The following TNR variants were observed in gnomAD, a reference collection of about 807,000 sequenced individuals.
The protein encoded by TNR is tenascin-R.
TNR carries 45 observed loss-of-function variants against 150.4 expected under a neutral mutation model. That is an observed-to-expected ratio of 0.30 (90% confidence interval 0.24 to 0.38). The LOEUF (loss-of-function observed/expected upper bound fraction) is 0.38. TNR is among the 10% of genes least tolerant of loss of function. TNR has a pLI of 1.00. For synonymous variants in TNR, 687 were observed against 678.4 expected (o/e 1.01, Z -0.20); for missense variants, 1,544 against 1,759.1 (o/e 0.88, Z 2.19).
chr1:175,545,278 G>A (rs1422750250), intron 1 of TNR, among the ~76,000 whole-genome samples: 1 of 152,184 alleles, frequency 6.6e-6, no homozygotes, highest in Non-Finnish European at 1.5e-5. Context: ...GATCTTAGTG[G>A]GAACAGTTTT....
At chr1:175,486,201 T>C (rs997720410) in intron 2 of TNR, among the ~76,000 whole-genome samples, 1 of 152,000 alleles carries the variant, frequency 6.6e-6, no homozygotes, top group Non-Finnish European at 1.5e-5. Context: ...GGTATACACG[T>C]GGCATGGTGG....
At chr1:175,571,565 T>A (rs1273910704) in intron 1 of TNR, among the ~76,000 whole-genome samples, 1 of 152,176 alleles carries the variant, frequency 6.6e-6, no homozygotes, top group East Asian at 1.9e-4. Context: ...TTTTGCCTAC[T>A]CCATTAACTC....
intron 9 of TNR, among the ~76,000 whole-genome samples, chr1:175,368,478 C>T (rs1186794399): frequency 6.6e-6 from 1 of 152,220 alleles, no homozygotes; most frequent in East Asian, 1.9e-4. Flanking sequence ...TTGGTCCCAC[C>T]TGGATAGTAC....
intron 22 of TNR, 85 bp downstream of exon 22, chr1:175,324,271 C>T: frequency 7.1e-7 from 1 of 1,398,906 alleles, no homozygotes; most frequent in Non-Finnish European, 9.6e-7. Flanking sequence ...ATGAAGGACT[C>T]ACATGTGCTT....
chr1:175,693,390 G>A (rs1231731380), intron 1 of TNR, among the ~76,000 whole-genome samples: 10 of 152,222 alleles, frequency 6.6e-5, no homozygotes, highest in Admixed American at 6.5e-4. Context: ...AACACAAACT[G>A]TCTCCCGACA....
intron 1 of TNR, among the ~76,000 whole-genome samples, chr1:175,739,992 C>T (rs1667880220): frequency 6.6e-6 from 1 of 152,248 alleles, no homozygotes; most frequent in Non-Finnish European, 1.5e-5. Flanking sequence ...CCTGCAGGAG[C>T]TTCCACAGTT....
chr1:175,461,013 A>C (rs1330101714), intron 2 of TNR, among the ~76,000 whole-genome samples: 8 of 152,234 alleles, frequency 5.3e-5, no homozygotes, highest in Non-Finnish European at 7.3e-5. Flanking sequence ...GCATGCTTGC[A>C]TGGCTGAAGC....
At chr1:175,355,438 C>T in intron 17 of TNR, 65 bp downstream of exon 17, 2 of 1,585,914 alleles carry the variant, frequency 1.3e-6, no homozygotes, top group Non-Finnish European at 1.7e-6. Context: ...GGTCACTCCA[C>T]TAGTCAGTTT....
chr1:175,413,863 T>C (rs1654319627), intron 2 of TNR, among the ~76,000 whole-genome samples: 1 of 152,116 alleles, frequency 6.6e-6, no homozygotes, highest in Admixed American at 6.5e-5. Context: ...TTGGGCACAG[T>C]GGTTCATGCC....
intron 1 of TNR, among the ~76,000 whole-genome samples, chr1:175,624,349 G>A (rs1420899404): frequency 6.6e-6 from 1 of 152,144 alleles, no homozygotes; most frequent in African/African-American, 2.4e-5. Flanking sequence ...TTCAGAATGT[G>A]ACCTTATTTG....
At chr1:175,514,171 G>C (rs1659309719) in intron 2 of TNR, among the ~76,000 whole-genome samples, 1 of 152,194 alleles carries the variant, frequency 6.6e-6, no homozygotes, top group Non-Finnish European at 1.5e-5. Context: ...CTGATGAACT[G>C]GGTATTCCTA....
chr1:175,417,077 A>AAGAAAGAAAG (rs1358494901), intron 2 of TNR, among the ~76,000 whole-genome samples: 1 of 149,820 alleles, frequency 6.7e-6, no homozygotes, highest in Non-Finnish European at 1.5e-5. Flanking sequence ...GAAAGAAAGA[A>AAGAAAGAAAG]ATCTAAGAAG....
At chr1:175,564,827 C>G (rs1052907517) in intron 1 of TNR, among the ~76,000 whole-genome samples, 1 of 152,178 alleles carries the variant, frequency 6.6e-6, no homozygotes, top group African/African-American at 2.4e-5. Flanking sequence ...ATTTTCTCAC[C>G]CCTCTGCCAG....
intron 2 of TNR, among the ~76,000 whole-genome samples, chr1:175,417,011 A>AAAAGAAAGAAAGAAATAAAGAAAGAAAG (rs1654498712): frequency 7.7e-5 from 7 of 90,904 alleles, no homozygotes. Flanking sequence ...CCATCTCAAA[A>AAAAGAAAGAAAGAAATAAAGAAAGAAAG]AAAGAAAGAA....
intron 1 of TNR, among the ~76,000 whole-genome samples, chr1:175,679,465 T>G (rs1481068836): frequency 6.6e-6 from 1 of 152,214 alleles, no homozygotes; most frequent in Non-Finnish European, 1.5e-5. Context: ...ATGATCCCTG[T>G]GTTCAAAATA....
chr1:175,406,355 G>A lies in TNR; in HGVS notation c.360C>T (p.Phe120=), dbSNP rs1653961368. The change falls in exon 3 of 23, where the codon TTC becomes TTT. Residue 120 remains phenylalanine, a synonymous_variant. Transcript: ENST00000367674. ...TGGCACATGGACAGGCCTTTTTGGG[G>A]AAGTTGATCCTGTGTGTAAAGGTGA... ...SQVTFTHRIN[F]PKKACPCASS... The A allele has an allele frequency of 6.2e-7, 1 of 1,614,034 alleles. No individual in the cohort carries two copies. The highest frequency in any genetic ancestry group is 1.1e-5 in the South Asian group (1 of 91,078).
chr1:175,532,329 C>T (rs192897750), intron 1 of TNR, among the ~76,000 whole-genome samples: 2 of 152,284 alleles, frequency 1.3e-5, no homozygotes, highest in African/African-American at 4.8e-5. Flanking sequence ...TGTTCTTAGT[C>T]ATCTTAATGT....
At chr1:175,553,841 C>CACAG (rs1661044385) in intron 1 of TNR, among the ~76,000 whole-genome samples, 1 of 151,802 alleles carries the variant, frequency 6.6e-6, no homozygotes, top group Admixed American at 6.6e-5. Flanking sequence ...CACACACACA[C>CACAG]ACACACAAAC....
chr1:175,602,705 C>T (rs1663285850), intron 1 of TNR, among the ~76,000 whole-genome samples: 1 of 152,130 alleles, frequency 6.6e-6, no homozygotes, highest in Non-Finnish European at 1.5e-5. Flanking sequence ...TTATTAGTAT[C>T]CAAGAAAGAA....
Sources: allele counts gnomAD v4.1 joint callset (sites outside exome capture counted in the v4.1 genomes callset), GRCh38; gene constraint gnomAD v4.1.1; transcripts MANE v1.5; gene names NCBI Gene and HGNC (gene_info 2026-07-23, HGNC 2026-07-21).